The following RTEL1 variants were observed in gnomAD, a reference collection of about 807,000 sequenced individuals.
The protein encoded by RTEL1 is regulator of telomere length.
In RTEL1, 86 loss-of-function variants were observed where a neutral mutation model predicts 162.2. The observed-to-expected ratio is 0.53, with a 90% CI of 0.45 to 0.63. The LOEUF (loss-of-function observed/expected upper bound fraction) is 0.63. Ranked by LOEUF, RTEL1 falls within the 30% of genes least tolerant of loss-of-function variation. The pLI is 0.00. For synonymous variants in RTEL1, 958 were observed against 717.9 expected, an observed-to-expected ratio of 1.33 and a Z score of -5.35; for missense variants, 1,941 against 1,750.2, an observed-to-expected ratio of 1.11 and a Z score of -1.95.
At chr20:63,677,356 G>A (rs190649916) in intron 10 of RTEL1, among the ~76,000 whole-genome samples, 6 of 152,192 alleles carry the variant, frequency 3.9e-5, no homozygotes, top group East Asian at 3.9e-4. Flanking sequence ...AGGGCTCAGC[G>A]GTAATCCCAG....
rs748434559 is a variant in RTEL1, at chr20:63,685,818, C to T, written c.1294C>T (p.Arg432Trp). The stretch of plus-strand genomic sequence containing the variant: ...GCACATCCATCCTGATGCTGGTCAC[C>T]GGAGGACGGCTCAGCGGTCTGATGC... ...KVHIHPDAGH[R>W]RTAQRSDAWS... Residue 432 changes from arginine to tryptophan, a missense_variant, in exon 16 of 35, where the codon CGG (arginine) becomes TGG (tryptophan). By Grantham distance (101) the Arg-to-Trp change is moderately radical. Coordinates refer to ENST00000360203, the MANE Select transcript of RTEL1 (RefSeq NM_001283009.2). The T allele has an allele frequency of 4.2e-5, 67 of 1,612,500 alleles. No individual in the cohort carries two copies. Among genetic ancestry groups the T allele is most frequent in the Middle Eastern group, 3.3e-4 (2 of 6,084 alleles).
intron 14 of RTEL1, 66 bp downstream of exon 14, chr20:63,680,785 G>T (rs2090463177): frequency 4.4e-6 from 7 of 1,598,962 alleles, no homozygotes; most frequent in African/African-American, 1.3e-5. Flanking sequence ...TTCTCCTGCT[G>T]TATTAGTTAA....
At chr20:63,681,680 G>A (rs918606673) in intron 14 of RTEL1, 4 of 985,248 alleles carry the variant, frequency 4.1e-6, no homozygotes, top group Admixed American at 6.2e-5. Flanking sequence ...AGCTCTGAGC[G>A]GGGGCGAGAC....
chr20:63,678,190 G>T lies in RTEL1; in HGVS notation c.958+7G>T. Reference sequence around the variant, plus strand: ...GACATTGCAAAGCTGAAGAGTAAGTGTTGCCCTCCCCGCCTCCTTGCAGCT... The same window carrying T: ...GACATTGCAAAGCTGAAGAGTAAGTTTTGCCCTCCCCGCCTCCTTGCAGCT... On this transcript the variant is annotated splice_region_variant and intron_variant, in intron 11 of 34. Coordinates refer to ENST00000360203, the MANE Select transcript of RTEL1 (RefSeq NM_001283009.2). 6.2e-7 allele frequency: 1 copy of T among 1,614,136 alleles called. No individual in the cohort carries two copies.
chr20:63,690,582 CT>C lies in RTEL1; in HGVS notation c.2413+142del, dbSNP rs1024562312. The C allele has an allele frequency of 6.5e-6, 8 of 1,237,042 alleles. No individual in the cohort carries two copies. The African/African-American group carries it at 1.2e-4, about 19-fold the overall frequency. The allele number at this position is 1,237,042 out of a possible 1,614,324, so 76.6% of individuals were successfully genotyped here. On this transcript the variant is annotated intron_variant, in intron 26 of 34. Transcript: ENST00000360203. ...TCCCACCTCCAAAGGCTGCCTCTCCCTCCTAGGGCAGGGCCCCCACGGGCTG... is the reference window on the plus strand; with the variant it reads ...TCCCACCTCCAAAGGCTGCCTCTCCCCCTAGGGCAGGGCCCCCACGGGCTG...
At chr20:63,694,668 A>T (rs2090923969) in intron 31 of RTEL1, 73 bp from the exon 32 acceptor site, 1 of 1,359,678 alleles carries the variant, frequency 7.4e-7, no homozygotes, top group East Asian at 2.4e-5. Flanking sequence ...TCCTGGAGGA[A>T]GGGCGGGCAG....
At position 63,690,837 on chromosome 20, in the gene RTEL1, C is replaced by A; in HGVS notation, c.2446C>A (p.Leu816Met). ...AGCTGCCGGGGACCCCGAGAGTAGCCTGTGTGTGGAGTATGAGCAGGAGCC... is the reference window on the plus strand; with the variant it reads ...AGCTGCCGGGGACCCCGAGAGTAGCATGTGTGTGGAGTATGAGCAGGAGCC... The part of the protein sequence containing the change: ...SPAAGDPESS[L>M]CVEYEQEPVP... The change falls in exon 27 of 35, where the codon CTG (leucine) becomes ATG (methionine). Residue 816 changes from leucine to methionine, a missense_variant. Coordinates refer to ENST00000360203, the MANE Select transcript of RTEL1 (RefSeq NM_001283009.2). The A allele has an allele frequency of 6.2e-7, 1 of 1,605,850 alleles. No individual in the cohort carries two copies. The highest frequency in any genetic ancestry group is 8.5e-7 in the Non-Finnish European group (1 of 1,177,916).
At chr20:63,658,548 C>CG (rs1324831720) in intron 1 of RTEL1, 82 bp downstream of exon 1, 1 of 152,312 alleles carries the variant, frequency 6.6e-6, no homozygotes, top group African/African-American at 2.4e-5. Flanking sequence ...CTACAGCTCC[C>CG]GGCAGGCCCC....
At chr20:63,693,808 A>G (rs1289768067) in intron 30 of RTEL1, among the ~76,000 whole-genome samples, 3 of 123,886 alleles carry the variant, frequency 2.4e-5, no homozygotes, top group Non-Finnish European at 5.1e-5. Context: ...GTGCAACTCC[A>G]TGCACAGCCC....
chr20:63,670,418 G>A (rs950894663), intron 8 of RTEL1, among the ~76,000 whole-genome samples: 1 of 149,920 alleles, frequency 6.7e-6, no homozygotes, highest in African/African-American at 2.5e-5. Context: ...TTAACCACTG[G>A]GAGAGCATCC....
At position 63,662,887 on chromosome 20, in the gene RTEL1, A is replaced by G; in HGVS notation, c.536A>G (p.Glu179Gly). The change falls in exon 6 of 35, where the codon GAA becomes GGA. Residue 179 changes from glutamate to glycine, a missense_variant and splice_region_variant. Coordinates refer to ENST00000360203, the MANE Select transcript of RTEL1 (RefSeq NM_001283009.2). ...SRSCHFYNNV[E>G]EKSLEQELAS... The stretch of plus-strand genomic sequence containing the variant: ...TCCTGTCATTTCTACAACAACGTAG[A>G]AGGTACAAGCAGCTGGGTGGGACCA... The G allele has an allele frequency of 6.2e-7, 1 of 1,613,966 alleles. No individual in the cohort carries two copies. The highest frequency in any genetic ancestry group is 2.2e-5 in the East Asian group (1 of 44,890).
chr20:63,663,010 C>T (rs768663948), intron 6 of RTEL1, 121 bp downstream of exon 6: 1 of 921,790 alleles, frequency 1.1e-6, no homozygotes, highest in Non-Finnish European at 1.8e-6. Context: ...CGGCCATGTA[C>T]CTGGGCCCTG....
rs2090634951 is a variant in RTEL1 at position 63,687,971 on chromosome 20, A to G, written c.1516A>G (p.Ile506Val). 1 of 1,612,584 alleles carries G rather than the reference A, an allele frequency of 6.2e-7. No homozygotes were observed. Among genetic ancestry groups the G allele is most frequent in the African/African-American group, 1.3e-5 (1 of 74,888 alleles). ...AGTCTGCCTGGAGAACCCACACATC[A>G]TCGACAAGCACCAGATCTGGGTGGG... ...FPVCLENPHI[I>V]DKHQIWVGVV... The change falls in exon 18 of 35, where the codon ATC becomes GTC. Residue 506 changes from isoleucine (I) to valine (V), a missense_variant. Ile to Val is a conservative substitution (Grantham distance 29). Coordinates refer to ENST00000360203, the MANE Select transcript of RTEL1 (RefSeq NM_001283009.2).
Position 63,690,383 on chromosome 20 carries a change from C to T in RTEL1, c.2355C>T (p.Ser785=). The change falls in exon 26 of 35, where the codon TCC becomes TCT. Residue 785 remains serine (S), a synonymous_variant. Transcript: ENST00000360203. The part of the protein sequence containing the change: ...SEAKSPGPFF[S]TRKAKSLDLH... ...CCAAGTCGCCTGGCCCCTTCTTCTC[C>T]ACCAGGAAAGCTAAGAGTCTGGACC... 6.2e-7 allele frequency: 1 copy of T among 1,611,540 alleles called. No individual in the cohort carries two copies. The highest frequency in any genetic ancestry group is 8.5e-7 in the Non-Finnish European group (1 of 1,179,288).
intron 9 of RTEL1, among the ~76,000 whole-genome samples, chr20:63,673,175 C>G (rs888733705): frequency 1.2e-4 from 18 of 151,952 alleles, no homozygotes; most frequent in Non-Finnish European, 2.1e-4. Context: ...GGGCGGATCA[C>G]GAGGTCAAGA....
intron 33 of RTEL1, 30 bp from the exon 34 acceptor site, chr20:63,695,298 C>T (rs538534271): frequency 1.4e-5 from 22 of 1,583,280 alleles, no homozygotes; most frequent in South Asian, 1.1e-4. Context: ...AAGCCCCAGG[C>T]CCCCCTCAGA....
At position 63,667,527 on chromosome 20, in the gene RTEL1, C is replaced by T. The variant is rs1309066366; in HGVS notation, c.673C>T (p.Pro225Ser). 1 of 1,613,870 alleles carries T rather than the reference C, an allele frequency of 6.2e-7. No homozygotes were observed. The highest frequency in any genetic ancestry group is 8.5e-7 in the Non-Finnish European group (1 of 1,179,874). Residue 225 changes from proline (P) to serine (S), a missense_variant, in exon 8 of 35, where the codon CCG becomes TCG. By Grantham distance (74) the Pro-to-Ser change is moderately conservative. Coordinates refer to ENST00000360203, the MANE Select transcript of RTEL1 (RefSeq NM_001283009.2). The stretch of plus-strand genomic sequence containing the variant: ...GCAGCAAGCCGACATCATATTCATG[C>T]CGTACAATTACTTGTTGGATGCCAA... ...LKQQADIIFMPYNYLLDAKSR... is the reference protein window; with the variant it reads ...LKQQADIIFMSYNYLLDAKSR...
chr20:63,662,873 C>T lies in RTEL1; in HGVS notation c.522C>T (p.Phe174=), dbSNP rs1372480426. The change falls in exon 6 of 35, where the codon TTC becomes TTT. Residue 174 remains phenylalanine, a synonymous_variant. Transcript: ENST00000360203. ...AGGTGGCAAGTCGCTCCTGTCATTT[C>T]TACAACAACGTAGAAGGTACAAGCA... ...RKKVASRSCH[F]YNNVEEKSLE... 3 of 1,614,024 alleles carry T rather than the reference C, an allele frequency of 1.9e-6. No homozygotes were observed. Among genetic ancestry groups the T allele is most frequent in the Non-Finnish European group, 2.5e-6 (3 of 1,180,030 alleles).
intron 10 of RTEL1, among the ~76,000 whole-genome samples, chr20:63,675,617 G>A (rs893963076): frequency 3.3e-5 from 5 of 152,098 alleles, no homozygotes; most frequent in African/African-American, 4.8e-5. Flanking sequence ...GGGCTCATGG[G>A]ATCTTCCCGT....
Sources: allele counts gnomAD v4.1 joint callset (sites outside exome capture counted in the v4.1 genomes callset), GRCh38; gene constraint gnomAD v4.1.1; transcripts MANE v1.5; gene names NCBI Gene and HGNC (gene_info 2026-07-23, HGNC 2026-07-21).